Variants in IQCE observed in about 807,000 individuals in gnomAD.
IQCE encodes IQ motif containing E, also known as IQ domain-containing protein E.
Under a neutral mutation model 96.0 loss-of-function variants are expected in IQCE, and 115 were observed. The observed-to-expected ratio is 1.20, with a 90% confidence interval of 1.03 to 1.40. IQCE has a LOEUF of 1.40. Among genes scored for constraint, IQCE ranks in the 40% most tolerant of loss-of-function variants. IQCE has a pLI of 0.00. For missense variants in IQCE, 1,041 were observed against 909.1 expected (o/e 1.15, Z -1.87); for synonymous variants, 412 against 371.2 (o/e 1.11, Z -1.26).
In IQCE at chr7:2,559,081, G is replaced by T; in HGVS notation, c.-101G>T. The stretch of plus-strand genomic sequence containing the variant: ...CAGCGGGGTCGCGGGCCGGCGCCAG[G>T]GAAGGCCCCGAGGCTGCGGGCGGCC... On this transcript the variant is annotated 5_prime_UTR_variant, in exon 1 of 22. Transcript: ENST00000402050. 1.5e-6 allele frequency: 1 copy of T among 658,212 alleles called. No individual in the cohort carries two copies. Among genetic ancestry groups the T allele is most frequent in the Non-Finnish European group, 2.1e-6 (1 of 475,886 alleles). The allele number at this position is 658,212 out of a possible 1,614,324, so 40.8% of individuals were successfully genotyped here. A position where few individuals can be genotyped will look rare whatever the true frequency, so the allele number is the denominator to read the frequency against.
Position 2,589,963 on chromosome 7 carries a change from C to A in IQCE, c.1101C>A (p.His367Gln), listed in dbSNP as rs1783452337. 6.2e-7 allele frequency: 1 copy of A among 1,613,874 alleles called. No homozygotes were observed. Among genetic ancestry groups the A allele is most frequent in the African/African-American group, 1.3e-5 (1 of 74,940 alleles). ...ACGCCGCAGAGCCAGTCAGATCACA[C>A]CCGCCAGCCTGCCTTGCATCCAGCT... ...KSHAAEPVRS[H>Q]PPACLASSSA... is the part of the protein sequence containing the mutation. The change falls in exon 14 of 22, where the codon CAC becomes CAA. Residue 367 changes from histidine to glutamine, a missense_variant. Coordinates refer to ENST00000402050, the MANE Select transcript of IQCE (RefSeq NM_152558.5).
chr7:2,564,400 G>A (rs1781206276), intron 1 of IQCE, among the ~76,000 whole-genome samples: 1 of 148,692 alleles, frequency 6.7e-6, no homozygotes, highest in Admixed American at 6.6e-5. Flanking sequence ...TTTGAGACCA[G>A]CCTGGCCAAC....
intron 1 of IQCE, 47 bp from the exon 2 acceptor site, chr7:2,567,069 G>A: frequency 2.6e-6 from 4 of 1,542,984 alleles, no homozygotes; most frequent in Non-Finnish European, 3.6e-6. Flanking sequence ...ATGGTCGGAA[G>A]CCCAGCAGGT....
intron 21 of IQCE, among the ~76,000 whole-genome samples, chr7:2,608,839 T>C (rs1329594633): frequency 6.7e-6 from 1 of 150,276 alleles, no homozygotes; most frequent in Non-Finnish European, 1.5e-5. Context: ...CAAGCTTTTG[T>C]TTGAGCTGAT....
At chr7:2,594,786 C>T (rs1159026335) in intron 15 of IQCE, 100 bp from the exon 16 acceptor site, 1 of 816,614 alleles carries the variant, frequency 1.2e-6, no homozygotes, top group Non-Finnish European at 2.2e-6. Context: ...GCCTGGTGTC[C>T]CCCTGTCTCC....
intron 21 of IQCE, among the ~76,000 whole-genome samples, chr7:2,608,335 C>G: frequency 6.6e-6 from 1 of 152,240 alleles, no homozygotes; most frequent in Non-Finnish European, 1.5e-5. Context: ...AGAGCCTTCC[C>G]TCCCCAGGGG....
chr7:2,600,570 A>G (rs1375579814), intron 17 of IQCE, among the ~76,000 whole-genome samples: 2 of 152,178 alleles, frequency 1.3e-5, no homozygotes, highest in African/African-American at 4.8e-5. Context: ...AGCGTGGGAG[A>G]AAACTTAGTG....
At position 2,590,028 on chromosome 7, in the gene IQCE, A is replaced by T; in HGVS notation, c.1166A>T (p.Asp389Val). Reference protein sequence around the residue: ...HRQPRGDRNKDHERLRGAVRD... With the variant: ...HRQPRGDRNKVHERLRGAVRD... ...CAGCCACGAGGGGACCGCAACAAGG[A>T]CCACGAGCGTCTCCGAGGGGCTGTG... The change falls in exon 14 of 22, where the codon GAC (aspartate) becomes GTC (valine). Residue 389 changes from aspartate (D) to valine (V), a missense_variant. By Grantham distance (152) the Asp-to-Val change is radical (BLOSUM62 -3). Coordinates refer to ENST00000402050, the MANE Select transcript of IQCE (RefSeq NM_152558.5). 7 of 1,613,798 alleles carry T rather than the reference A, an allele frequency of 4.3e-6. No homozygotes were observed. Among genetic ancestry groups the T allele is most frequent in the Non-Finnish European group, 5.9e-6 (7 of 1,179,994 alleles).
intron 12 of IQCE, among the ~76,000 whole-genome samples, chr7:2,587,084 C>G (rs961545749): frequency 1.4e-4 from 22 of 152,194 alleles, no homozygotes; most frequent in African/African-American, 4.3e-4. Flanking sequence ...CTGGTTGCAT[C>G]TTGTAGCTGG....
At chr7:2,563,476 G>A (rs999125884) in intron 1 of IQCE, among the ~76,000 whole-genome samples, 2 of 151,788 alleles carry the variant, frequency 1.3e-5, no homozygotes, top group Non-Finnish European at 2.9e-5. Flanking sequence ...CCAAAGTGCC[G>A]GGATTACAGG....
chr7:2,581,806 T>C (rs1042840709), intron 8 of IQCE, among the ~76,000 whole-genome samples: 9 of 149,124 alleles, frequency 6.0e-5, no homozygotes, highest in African/African-American at 2.2e-4. Context: ...GCTTCCCGGG[T>C]TCATGCCATT....
At position 2,605,950 on chromosome 7, in the gene IQCE, C is replaced by G; in HGVS notation, c.1818C>G (p.Val606=). Residue 606 remains valine, a synonymous_variant, in exon 20 of 22, where the codon GTC becomes GTG. Coordinates refer to ENST00000402050, the MANE Select transcript of IQCE (RefSeq NM_152558.5). ...GCCCTGTGCAGGAGGAGGCCATCGT[C>G]ATCATCCAGTCCGCTCTGCGGGCAC... ...TGSPVQEEAI[V]IIQSALRAHL... 6.2e-7 allele frequency: 1 copy of G among 1,611,448 alleles called. No homozygotes were observed. Among genetic ancestry groups the G allele is most frequent in the Non-Finnish European group, 8.5e-7 (1 of 1,179,336 alleles).
intron 14 of IQCE, among the ~76,000 whole-genome samples, chr7:2,591,108 C>G (rs942457690): frequency 1.3e-5 from 2 of 152,002 alleles, no homozygotes; most frequent in Non-Finnish European, 2.9e-5. Context: ...CAAAAATTAG[C>G]CAGTTGTAGT....
rs901599750 is a variant in IQCE, at chr7:2,610,240, G to A, written c.*78G>A. The A allele has an allele frequency of 5.2e-5, 46 of 879,306 alleles. No homozygotes were observed. The highest frequency in any genetic ancestry group is 4.4e-4 in the African/African-American group (27 of 60,842). The allele number at this position is 879,306 out of a possible 1,614,324, so 54.5% of individuals were successfully genotyped here. A position where few individuals can be genotyped will look rare whatever the true frequency, so the allele number is the denominator to read the frequency against. On this transcript the variant is annotated 3_prime_UTR_variant, in exon 22 of 22. Transcript: ENST00000402050. ...ACCACGACTGGAAAGATAATTTATCGTGTTAGGAGAAGAACGATGATACCT... is the reference window on the plus strand; with the variant it reads ...ACCACGACTGGAAAGATAATTTATCATGTTAGGAGAAGAACGATGATACCT...
At position 2,608,266 on chromosome 7, in the gene IQCE, C is replaced by T. The variant is rs528528816; in HGVS notation, c.1969+1039C>T. ...TCCTGGGAGATCCCTCCTGTGCTGA[C>T]GCGGAGTCACGGAGTTGGGAAGAGG... On this transcript the variant is annotated intron_variant, in intron 21 of 21. Coordinates refer to ENST00000402050, the MANE Select transcript of IQCE (RefSeq NM_152558.5). Among the ~76,000 whole-genome samples, 19 of 152,286 alleles carry T rather than the reference C, an allele frequency of 1.2e-4. No homozygotes were observed. In the East Asian group the frequency reaches 1.9e-3, roughly 15 times the overall value.
intron 20 of IQCE, among the ~76,000 whole-genome samples, chr7:2,606,669 GC>G (rs1301471259): frequency 5.4e-4 from 82 of 152,254 alleles, no homozygotes; most frequent in African/African-American, 1.5e-3. Flanking sequence ...TCCCTCCAAG[GC>G]CGCATCTGCA....
At chr7:2,608,133 C>T (rs1304593184) in intron 21 of IQCE, among the ~76,000 whole-genome samples, 1 of 152,194 alleles carries the variant, frequency 6.6e-6, no homozygotes, top group Admixed American at 6.5e-5. Flanking sequence ...TGCCCAGGAC[C>T]CACATGCCTT....
intron 13 of IQCE, among the ~76,000 whole-genome samples, chr7:2,589,125 T>C (rs1167485202): frequency 1.3e-5 from 2 of 152,120 alleles, no homozygotes; most frequent in African/African-American, 4.8e-5. Flanking sequence ...CCCAGTACTT[T>C]GGGAGGCTAA....
rs200293391 is a variant in IQCE, at chr7:2,589,972, C to A, written c.1110C>A (p.Ala370=). ...AAEPVRSHPP[A]CLASSSALHR... ...AGCCAGTCAGATCACACCCGCCAGCCTGCCTTGCATCCAGCTCTGCGCTGC... is the reference window on the plus strand; with the variant it reads ...AGCCAGTCAGATCACACCCGCCAGCATGCCTTGCATCCAGCTCTGCGCTGC... The change falls in exon 14 of 22, where the codon GCC becomes GCA. Residue 370 remains alanine (A), a synonymous_variant. Transcript: ENST00000402050. The A allele has an allele frequency of 2.6e-4, 421 of 1,614,004 alleles. No individual in the cohort carries two copies. Among genetic ancestry groups the A allele is most frequent in the Non-Finnish European group, 2.7e-4 (320 of 1,180,024 alleles).
Sources: allele counts gnomAD v4.1 joint callset (sites outside exome capture counted in the v4.1 genomes callset), GRCh38; gene constraint gnomAD v4.1.1; transcripts MANE v1.5; gene names NCBI Gene and HGNC (gene_info 2026-07-23, HGNC 2026-07-21).